The following ROBO2 variants were observed in gnomAD, a reference collection of about 807,000 sequenced individuals.
The protein encoded by ROBO2 is roundabout guidance receptor 2.
ROBO2 carries 53 observed loss-of-function variants against 160.8 expected under a neutral mutation model. The observed-to-expected ratio is 0.33, with a 90% CI of 0.26 to 0.41. ROBO2 has a LOEUF of 0.41. ROBO2 is among the 10% of genes least tolerant of loss of function. ROBO2 has a pLI of 1.00. For missense variants in ROBO2, 1,577 were observed against 1,722.4 expected, an observed-to-expected ratio of 0.92 and a Z score of 1.49; for synonymous variants, 664 against 611.7, an observed-to-expected ratio of 1.09 and a Z score of -1.26.
chr3:77,328,740 A>T (rs560566925), intron 2 of ROBO2, among the ~76,000 whole-genome samples: 1 of 152,176 alleles, frequency 6.6e-6, no homozygotes, highest in Non-Finnish European at 1.5e-5. Context: ...AAATAAAAAT[A>T]AAAAAAGGAA....
intron 2 of ROBO2, among the ~76,000 whole-genome samples, chr3:77,329,175 G>A (rs1321013951): frequency 6.6e-6 from 1 of 152,178 alleles, no homozygotes; most frequent in Non-Finnish European, 1.5e-5. Context: ...ATAAAAAGAA[G>A]CAATCTGAAG....
intron 2 of ROBO2, among the ~76,000 whole-genome samples, chr3:77,199,354 G>C (rs1245059276): frequency 6.6e-6 from 1 of 152,188 alleles, no homozygotes; most frequent in East Asian, 1.9e-4. Flanking sequence ...TGGGGAAATA[G>C]GGATGTTGCC....
chr3:77,046,482 A>G (rs2064683772), intron 1 of ROBO2, among the ~76,000 whole-genome samples: 1 of 152,212 alleles, frequency 6.6e-6, no homozygotes, highest in Non-Finnish European at 1.5e-5. Flanking sequence ...AAATCATAGA[A>G]TGATAGCATC....
intron 3 of ROBO2, among the ~76,000 whole-genome samples, 161 bp from the exon 4 acceptor site, chr3:77,480,938 T>C (rs149032858): frequency 6.6e-6 from 1 of 152,186 alleles, no homozygotes; most frequent in Non-Finnish European, 1.5e-5. Flanking sequence ...AGGGTGAATT[T>C]AAGAAAAGAA....
At chr3:76,816,244 C>T (rs1287465879) in intron 2 of ROBO2, among the ~76,000 whole-genome samples, 1 of 151,558 alleles carries the variant, frequency 6.6e-6, no homozygotes, top group African/African-American at 2.4e-5. Context: ...GTGGATCGGA[C>T]GTTTTATTAT....
chr3:76,272,788 A>T (rs1306546324), intron 2 of ROBO2, among the ~76,000 whole-genome samples: 100 of 16,204 alleles, frequency 6.2e-3, no homozygotes, highest in East Asian at 0.023. Context: ...AAAATATATA[A>T]AATATATATA....
chr3:76,003,001 C>T (rs1996081), intron 2 of ROBO2, among the ~76,000 whole-genome samples: 2,295 of 152,284 alleles, frequency 0.015, 71 homozygotes, highest in African/African-American at 0.051. Context: ...ACCTCCAACT[C>T]TCCATGCAGT....
intron 2 of ROBO2, among the ~76,000 whole-genome samples, chr3:76,431,613 C>T (rs999485527): frequency 3.3e-5 from 5 of 151,934 alleles, no homozygotes; most frequent in African/African-American, 4.8e-5. Context: ...CAAGCAGAAA[C>T]ATTAATCTGA....
intron 2 of ROBO2, among the ~76,000 whole-genome samples, chr3:77,004,648 G>A (rs1559831446): frequency 6.6e-6 from 1 of 152,204 alleles, no homozygotes; most frequent in Non-Finnish European, 1.5e-5. Flanking sequence ...ATTGAGAGAT[G>A]TGTAGCAGAG....
intron 2 of ROBO2, among the ~76,000 whole-genome samples, chr3:77,457,910 C>T (rs941606013): frequency 1.3e-5 from 2 of 151,990 alleles, no homozygotes; most frequent in African/African-American, 4.8e-5. Context: ...TGTTTATATA[C>T]TAATCAGGAC....
At chr3:77,514,982 A>G (rs2089850462) in intron 5 of ROBO2, among the ~76,000 whole-genome samples, 1 of 151,738 alleles carries the variant, frequency 6.6e-6, no homozygotes, top group East Asian at 1.9e-4. Context: ...CTGCCTCCAT[A>G]TGTGGTTTTG....
At chr3:76,101,649 T>G (rs1277034004) in intron 2 of ROBO2, among the ~76,000 whole-genome samples, 3 of 151,784 alleles carry the variant, frequency 2.0e-5, no homozygotes, top group African/African-American at 7.3e-5. Context: ...CTGCACCCAT[T>G]AACTCGTCAT....
chr3:76,897,605 G>A (rs904865010), intron 2 of ROBO2, among the ~76,000 whole-genome samples: 1 of 152,032 alleles, frequency 6.6e-6, no homozygotes, highest in Admixed American at 6.6e-5. Flanking sequence ...AAACTAGAGG[G>A]TCCTAAAGAT....
intron 12 of ROBO2, among the ~76,000 whole-genome samples, chr3:77,566,483 G>T (rs944224315): frequency 6.6e-6 from 1 of 152,024 alleles, no homozygotes; most frequent in Non-Finnish European, 1.5e-5. Context: ...TGGAAAATGT[G>T]TACAATTTTA....
intron 2 of ROBO2, among the ~76,000 whole-genome samples, chr3:77,028,368 G>A (rs1328726505): frequency 1.3e-5 from 2 of 152,066 alleles, no homozygotes; most frequent in African/African-American, 2.4e-5. Context: ...CATAATGGAT[G>A]TCTTTTACTC....
rs149845634 is a variant in ROBO2 at position 77,380,821 on chromosome 3, A to C, written c.389-96593A>C. ...TTTCCTTTATTTCTCTCCGCTGATT[A>C]GCGCTGTCTCAAATGGCAAATGTTT... On this transcript the variant is annotated intron_variant, in intron 2 of 25. Coordinates refer to ENST00000461745, the Ensembl canonical transcript of ROBO2. 2.8e-4 allele frequency among the ~76,000 whole-genome samples: 42 copies of C among 151,940 alleles called. 1 individual carries two copies. In the East Asian group the frequency reaches 8.0e-3, roughly 29 times the overall value.
At chr3:76,028,032 TGTA>T (rs1267743296) in intron 2 of ROBO2, among the ~76,000 whole-genome samples, 1 of 151,910 alleles carries the variant, frequency 6.6e-6, no homozygotes, top group East Asian at 1.9e-4. Flanking sequence ...AAAGTGTGGG[TGTA>T]GTATTTTTCA....
At chr3:76,148,287 C>A (rs2071997461) in intron 2 of ROBO2, among the ~76,000 whole-genome samples, 1 of 151,938 alleles carries the variant, frequency 6.6e-6, no homozygotes, top group Non-Finnish European at 1.5e-5. Context: ...GCTTCTGTTT[C>A]TACTGAAGAC....
At chr3:76,416,088 A>T (rs1187838481) in intron 2 of ROBO2, among the ~76,000 whole-genome samples, 1 of 152,158 alleles carries the variant, frequency 6.6e-6, no homozygotes, top group Admixed American at 6.5e-5. Flanking sequence ...ATACTAAAGC[A>T]ATATGTTATT....
Sources: gnomAD v4.1 joint callset for allele counts (sites outside exome capture counted in the v4.1 genomes callset) on GRCh38, gnomAD v4.1.1 for gene constraint, MANE v1.5 for transcripts, NCBI Gene and HGNC (gene_info 2026-07-23, HGNC 2026-07-21) for gene names.